The following ROBO2 variants were observed in gnomAD, a reference collection of about 807,000 sequenced individuals.
ROBO2 encodes roundabout homolog 2.
A neutral mutation model predicts 160.8 loss-of-function variants in ROBO2; 53 were observed. The observed-to-expected ratio is 0.33, with a 90% CI of 0.26 to 0.41. The LOEUF (loss-of-function observed/expected upper bound fraction) is 0.41. ROBO2 is among the 10% of genes least tolerant of loss of function. ROBO2 has a pLI of 1.00. For synonymous variants in ROBO2, 664 were observed against 611.7 expected, an observed-to-expected ratio of 1.09 and a Z score of -1.26; for missense variants, 1,577 against 1,722.4, an observed-to-expected ratio of 0.92 and a Z score of 1.49.
chr3:75,907,605 T>C (rs1946402352), intron 1 of ROBO2, among the ~76,000 whole-genome samples: 1 of 152,208 alleles, frequency 6.6e-6, no homozygotes, highest in Non-Finnish European at 1.5e-5. Context: ...GTTGCAAATT[T>C]GATACCTTTT....
At chr3:76,642,915 TAATAA>T (rs1311038336) in intron 2 of ROBO2, among the ~76,000 whole-genome samples, 2 of 152,166 alleles carry the variant, frequency 1.3e-5, no homozygotes, top group African/African-American at 4.8e-5. Context: ...AAATCATTAA[TAATAA>T]AATAAATAAT....
At chr3:76,380,580 C>G (rs957057446) in intron 2 of ROBO2, among the ~76,000 whole-genome samples, 1 of 152,014 alleles carries the variant, frequency 6.6e-6, no homozygotes, top group South Asian at 2.1e-4. Flanking sequence ...TTTGTTTTCT[C>G]TAGGTTTCTT....
intron 2 of ROBO2, among the ~76,000 whole-genome samples, chr3:76,072,166 A>G (rs1186396240): frequency 6.6e-6 from 1 of 152,160 alleles, no homozygotes; most frequent in Non-Finnish European, 1.5e-5. Flanking sequence ...CTGTCACACT[A>G]CAATCTAACA....
chr3:76,827,422 A>T (rs186422390), intron 2 of ROBO2, among the ~76,000 whole-genome samples: 1 of 152,156 alleles, frequency 6.6e-6, no homozygotes, highest in African/African-American at 2.4e-5. Context: ...TAACCCATGA[A>T]GTTTAAGATA....
intron 2 of ROBO2, among the ~76,000 whole-genome samples, chr3:76,536,040 G>A (rs1420437565): frequency 2.0e-5 from 3 of 152,130 alleles, no homozygotes; most frequent in African/African-American, 7.2e-5. Flanking sequence ...TGCACAGGTG[G>A]GACATGGCTT....
At chr3:76,470,808 A>C (rs867013267) in intron 2 of ROBO2, among the ~76,000 whole-genome samples, 17 of 152,150 alleles carry the variant, frequency 1.1e-4, no homozygotes, top group Middle Eastern at 6.8e-3. Context: ...GTGTTACTTC[A>C]CGTAACATAC....
At position 76,465,851 on chromosome 3, in the gene ROBO2, A is replaced by G. The variant is rs989746486; in HGVS notation, c.109+528249A>G. Among the ~76,000 whole-genome samples the G allele has an allele frequency of 3.9e-5, 6 of 152,020 alleles. No individual in the cohort carries two copies. The South Asian group carries it at 1.2e-3, about 32-fold the overall frequency. Reference sequence around the variant, plus strand: ...AGATTGAAATCAAGGCATTTTAATTACTCTTACTTGGTACATAAGCTAAGT... The same window carrying G: ...AGATTGAAATCAAGGCATTTTAATTGCTCTTACTTGGTACATAAGCTAAGT... On this transcript the variant is annotated intron_variant, in intron 2 of 26. Coordinates refer to the ROBO2 transcript ENST00000487694.
intron 2 of ROBO2, among the ~76,000 whole-genome samples, chr3:77,168,828 A>G (rs185033899): frequency 6.6e-6 from 1 of 152,300 alleles, no homozygotes; most frequent in Non-Finnish European, 1.5e-5. Context: ...GATTTTGAAG[A>G]ATTCCAGTCT....
chr3:76,588,044 G>T (rs1560194910), intron 2 of ROBO2, among the ~76,000 whole-genome samples: 5 of 152,064 alleles, frequency 3.3e-5, no homozygotes, highest in African/African-American at 9.7e-5. Context: ...AAATTAATGG[G>T]GTGTGTGTGT....
intron 2 of ROBO2, among the ~76,000 whole-genome samples, chr3:76,018,206 C>A (rs181832171): frequency 6.6e-6 from 1 of 151,766 alleles, no homozygotes; most frequent in South Asian, 2.1e-4. Context: ...AAATTGGCCT[C>A]AAAAATGATA....
intron 1 of ROBO2, among the ~76,000 whole-genome samples, chr3:75,909,709 C>A (rs1459410278): frequency 6.6e-6 from 1 of 152,198 alleles, no homozygotes; most frequent in Non-Finnish European, 1.5e-5. Context: ...GTCATTTCAA[C>A]ATTTTCAAGG....
chr3:77,187,407 C>G (rs1043682598), intron 2 of ROBO2, among the ~76,000 whole-genome samples: 4 of 151,906 alleles, frequency 2.6e-5, no homozygotes, highest in African/African-American at 9.7e-5. Context: ...ACTTTGAATA[C>G]AGTTCAAAAT....
chr3:76,218,589 A>G (rs1703728469), intron 2 of ROBO2, among the ~76,000 whole-genome samples: 1 of 152,216 alleles, frequency 6.6e-6, no homozygotes, highest in African/African-American at 2.4e-5. Flanking sequence ...TAAAATACCT[A>G]GGAATCCAAC....
intron 2 of ROBO2, among the ~76,000 whole-genome samples, chr3:76,927,932 A>G (rs1477154716): frequency 6.6e-6 from 1 of 152,188 alleles, no homozygotes; most frequent in South Asian, 2.1e-4. Context: ...CAAAAATAGA[A>G]TGAAAAGAAA....
At chr3:76,595,010 C>A (rs2086651843) in intron 2 of ROBO2, among the ~76,000 whole-genome samples, 1 of 151,882 alleles carries the variant, frequency 6.6e-6, no homozygotes, top group Admixed American at 6.6e-5. Flanking sequence ...GGGGGTGGAG[C>A]CCTCATGAAT....
intron 2 of ROBO2, among the ~76,000 whole-genome samples, chr3:76,524,050 G>A (rs945810995): frequency 5.3e-5 from 8 of 151,618 alleles, no homozygotes; most frequent in African/African-American, 1.9e-4. Context: ...AAAATCTGAA[G>A]AAAATAAAGT....
intron 2 of ROBO2, among the ~76,000 whole-genome samples, chr3:76,590,639 A>G (rs888066989): frequency 6.6e-6 from 1 of 152,176 alleles, no homozygotes; most frequent in East Asian, 1.9e-4. Context: ...CATTTTCAGA[A>G]AGATCACAAA....
At chr3:76,380,948 T>C (rs1408769074) in intron 2 of ROBO2, among the ~76,000 whole-genome samples, 1 of 151,082 alleles carries the variant, frequency 6.6e-6, no homozygotes, top group African/African-American at 2.4e-5. Flanking sequence ...CTCCTGCAGG[T>C]CAGACAGAAT....
chr3:76,184,690 G>C (rs1701663407), intron 2 of ROBO2, among the ~76,000 whole-genome samples: 1 of 151,962 alleles, frequency 6.6e-6, no homozygotes, highest in African/African-American at 2.4e-5. Context: ...GAGATGCTTG[G>C]CTCAGTCCAA....
Sources: gnomAD v4.1 joint callset for allele counts (sites outside exome capture counted in the v4.1 genomes callset) on GRCh38, gnomAD v4.1.1 for gene constraint, MANE v1.5 for transcripts, NCBI Gene and HGNC (gene_info 2026-07-23, HGNC 2026-07-21) for gene names.